Variants in ADNP observed in about 807,000 individuals in gnomAD.
ADNP encodes the protein activity dependent neuroprotector homeobox, also known as activity-dependent neuroprotector homeobox protein.
ADNP carries 4 observed loss-of-function variants against 84.9 expected under a neutral mutation model. The ratio of observed to expected loss-of-function variants is 0.05; its 90% CI spans 0.02 to 0.11. ADNP has a LOEUF of 0.11. ADNP is among the 10% of genes least tolerant of loss of function. The pLI is 1.00. For synonymous variants in ADNP, 554 were observed against 468.1 expected, an observed-to-expected ratio of 1.18 and a Z score of -2.37; for missense variants, 1,132 against 1,326.0, an observed-to-expected ratio of 0.85 and a Z score of 2.27.
intron 1 of ADNP, among the ~76,000 whole-genome samples, chr20:50,930,098 T>C (rs1158764981): frequency 2.0e-5 from 3 of 151,722 alleles, no homozygotes; most frequent in African/African-American, 7.3e-5. Flanking sequence ...AATACGAGTG[T>C]GTTCACAAAA....
At position 50,927,552 on chromosome 20, in the gene ADNP, T is replaced by C. The variant is rs575178142; in HGVS notation, c.-90+1099A>G. Among the ~76,000 whole-genome samples the C allele has an allele frequency of 6.4e-4, 89 of 140,132 alleles. 1 individual carries two copies. Among genetic ancestry groups the C allele is most frequent in the African/African-American group, 2.5e-3 (87 of 34,412 alleles). 91.9% of individuals were successfully genotyped at this position (140,132 alleles called of 152,430 possible). A position where few individuals can be genotyped will look rare whatever the true frequency, so the allele number is the denominator to read the frequency against. On this transcript the variant is annotated intron_variant, in intron 2 of 5. Transcript: ENST00000621696. ...TATAAATTCCAGTCTTCAAGCCCAATTGTTTCACTTTTTTTTTTTTTTTGG... is the reference window on the plus strand; with the variant it reads ...TATAAATTCCAGTCTTCAAGCCCAACTGTTTCACTTTTTTTTTTTTTTTGG...
intron 2 of ADNP, among the ~76,000 whole-genome samples, chr20:50,924,113 G>A (rs1397572588): frequency 1.3e-5 from 2 of 152,124 alleles, no homozygotes; most frequent in African/African-American, 2.4e-5. Flanking sequence ...GGAGCATGAA[G>A]GATTCAGAAA....
At chr20:50,910,159 A>G (rs1237235950) in intron 2 of ADNP, among the ~76,000 whole-genome samples, 1 of 152,200 alleles carries the variant, frequency 6.6e-6, no homozygotes, top group African/African-American at 2.4e-5. Context: ...AGTAGAAAGA[A>G]CAGGAGTTTG....
intron 5 of ADNP, among the ~76,000 whole-genome samples, chr20:50,897,997 G>A (rs1300242300): frequency 2.6e-5 from 4 of 152,116 alleles, no homozygotes. Context: ...AAATCACAAA[G>A]GGTTTCAATT....
chr20:50,899,966 G>A (rs6067588), intron 5 of ADNP, among the ~76,000 whole-genome samples: 4 of 150,910 alleles, frequency 2.7e-5, no homozygotes, highest in South Asian at 2.1e-4. Context: ...GCAGGTTGCC[G>A]TGTTTGTGTT....
intron 5 of ADNP, among the ~76,000 whole-genome samples, chr20:50,896,594 T>C (rs912109532): frequency 1.1e-4 from 17 of 152,210 alleles, no homozygotes; most frequent in African/African-American, 3.9e-4. Context: ...ACATTTTTTT[T>C]CTTAAAAGCT....
chr20:50,891,393 G>A lies in ADNP; in HGVS notation c.*12C>T, dbSNP rs974173754. 3 of 1,580,270 alleles carry A rather than the reference G, an allele frequency of 1.9e-6. No homozygotes were observed. Among genetic ancestry groups the A allele is most frequent in the East Asian group, 2.2e-5 (1 of 44,688 alleles). The stretch of plus-strand genomic sequence containing the variant: ...GGCTGCAGCATGTCACCAACGCCAG[G>A]GAACCTGGCACTTAGGCCTGTTGGC... On this transcript the variant is annotated 3_prime_UTR_variant, in exon 6 of 6. Transcript: ENST00000621696.
chr20:50,918,105 T>TA (rs1491538027), intron 2 of ADNP, among the ~76,000 whole-genome samples: 7 of 152,080 alleles, frequency 4.6e-5, no homozygotes, highest in Non-Finnish European at 1.0e-4. Context: ...TCTGCAAGAT[T>TA]AAAAAAGGCT....
chr20:50,902,537 CAGG>C (rs970264218), intron 4 of ADNP, among the ~76,000 whole-genome samples: 6 of 151,992 alleles, frequency 3.9e-5, no homozygotes, highest in African/African-American at 1.4e-4. Context: ...GGGGAGGGGG[CAGG>C]AGATCAGATC....
At position 50,890,089 on chromosome 20, in the gene ADNP, C is replaced by T; in HGVS notation, c.*1316G>A. Reference sequence around the variant, plus strand: ...TATATATGCAGGCTCTGCTCCTTAACAAAAGGTGAACTGAAAAACTCAAGG... The same window carrying T: ...TATATATGCAGGCTCTGCTCCTTAATAAAAGGTGAACTGAAAAACTCAAGG... On this transcript the variant is annotated 3_prime_UTR_variant, in exon 6 of 6. Transcript: ENST00000621696. 7.8e-6 allele frequency: 1 copy of T among 128,298 alleles called. No homozygotes were observed. Among genetic ancestry groups the T allele is most frequent in the Non-Finnish European group, 1.5e-5 (1 of 68,396 alleles). 7.9% of individuals were successfully genotyped at this position (128,298 alleles called of 1,614,324 possible).
intron 2 of ADNP, among the ~76,000 whole-genome samples, chr20:50,912,657 G>A (rs1011218443): frequency 2.0e-5 from 3 of 152,128 alleles, no homozygotes; most frequent in African/African-American, 4.8e-5. Context: ...TGTAGAATCT[G>A]GGCCTAGTGG....
chr20:50,905,936 G>C (rs1438119428), intron 2 of ADNP, among the ~76,000 whole-genome samples: 1 of 152,142 alleles, frequency 6.6e-6, no homozygotes, highest in African/African-American at 2.4e-5. Context: ...GTACACACTG[G>C]GCATGGTGCC....
At chr20:50,912,611 G>A (rs1007692530) in intron 2 of ADNP, among the ~76,000 whole-genome samples, 6 of 152,174 alleles carry the variant, frequency 3.9e-5, no homozygotes, top group African/African-American at 1.4e-4. Context: ...CTAAGCCCAT[G>A]ACGCAAATTT....
rs543478429 is a variant in ADNP, at chr20:50,893,759, C to A, written c.955G>T (p.Val319Phe). ...AGATGAACACTGGACATCATGTTGACTCCTGTAGAATTTAAGTTAGGCTTT... is the reference window on the plus strand; with the variant it reads ...AGATGAACACTGGACATCATGTTGAATCCTGTAGAATTTAAGTTAGGCTTT... ...IPKPNLNSTGVNMMSSVHLQQ... is the reference protein window; with the variant it reads ...IPKPNLNSTGFNMMSSVHLQQ... The change falls in exon 6 of 6, where the codon GTC becomes TTC. Residue 319 changes from valine to phenylalanine, a missense_variant. By Grantham distance (50) the Val-to-Phe change is conservative. Transcript: ENST00000621696. The surrounding 1 kb of genome is among the most constrained non-coding windows in gnomAD (Gnocchi z 4.4). 6.2e-7 allele frequency: 1 copy of A among 1,614,170 alleles called. No homozygotes were observed.
intron 2 of ADNP, among the ~76,000 whole-genome samples, chr20:50,911,594 T>C (rs1037492025): frequency 2.6e-5 from 4 of 151,972 alleles, no homozygotes; most frequent in Admixed American, 6.6e-5. Context: ...AGTCCCAGTT[T>C]AGCAGGCTCA....
chr20:50,915,486 A>G (rs1456826423), intron 2 of ADNP, among the ~76,000 whole-genome samples: 2 of 152,066 alleles, frequency 1.3e-5, no homozygotes, highest in Non-Finnish European at 2.9e-5. Flanking sequence ...CAATCACCCC[A>G]CTCAATCTTT....
intron 2 of ADNP, among the ~76,000 whole-genome samples, chr20:50,921,600 A>G (rs1020231653): frequency 2.6e-5 from 4 of 152,202 alleles, no homozygotes; most frequent in African/African-American, 9.7e-5. Context: ...CCGTATTCAG[A>G]TTTCAGGCAA....
intron 5 of ADNP, among the ~76,000 whole-genome samples, chr20:50,900,150 A>G (rs1981823000): frequency 6.6e-6 from 1 of 152,108 alleles, no homozygotes; most frequent in South Asian, 2.1e-4. Context: ...AGGTGTACCA[A>G]TTTTTCTTTT....
In ADNP at chr20:50,890,845, C is replaced by G. The variant is rs1457339412; in HGVS notation, c.*560G>C. On this transcript the variant is annotated 3_prime_UTR_variant, in exon 6 of 6. Transcript: ENST00000621696. ...CTTTTGCTAGGTAAACTAGATAGAGCGTTTATTACACAGCAAGGGCAACAC... is the reference window on the plus strand; with the variant it reads ...CTTTTGCTAGGTAAACTAGATAGAGGGTTTATTACACAGCAAGGGCAACAC... 1 of 876,482 alleles carries G rather than the reference C, an allele frequency of 1.1e-6. No homozygotes were observed. Among genetic ancestry groups the G allele is most frequent in the African/African-American group, 1.8e-5 (1 of 54,768 alleles). 54.3% of individuals were successfully genotyped at this position (876,482 alleles called of 1,614,324 possible).
Sources: allele counts gnomAD v4.1 joint callset (sites outside exome capture counted in the v4.1 genomes callset), GRCh38; gene constraint gnomAD v4.1.1; non-coding constraint Gnocchi (gnomAD v3.1); transcripts MANE v1.5; gene names NCBI Gene and HGNC (gene_info 2026-07-23, HGNC 2026-07-21).